The following ZNF728 variants were observed in gnomAD, a reference collection of about 807,000 sequenced individuals.
ZNF728 encodes zinc finger protein 728.
Under a neutral mutation model 12.5 loss-of-function variants are expected in ZNF728, and 12 were observed. That is an observed-to-expected ratio of 0.96 (90% CI 0.61 to 1.55). The LOEUF is 1.55. Ranked by LOEUF, ZNF728 falls within the 40% of genes most tolerant of loss-of-function variation. The pLI is 0.00. For synonymous variants in ZNF728, 205 were observed against 240.7 expected (o/e 0.85, Z 1.37); for missense variants, 692 against 719.2 (o/e 0.96, Z 0.43).
Position 22,976,664 on chromosome 19 carries a change from C to A in ZNF728, c.673G>T (p.Glu225Ter). Residue 225 changes from glutamate to a stop codon, truncating the protein, a stop_gained, in exon 4 of 4, where the codon GAG (glutamate) becomes TAG (stop). Transcript: ENST00000594710. LOFTEE classifies it low-confidence loss of function (END_TRUNC). ...ALTYKRIHTG[E>*]KPCKCEECGK... is the part of the protein sequence containing the mutation. ...CATTCTTCACATTTGCAGGGTTTCTCTCCAGTATGAATTCTCTTATAAGTA... is the reference window on the plus strand; with the variant it reads ...CATTCTTCACATTTGCAGGGTTTCTATCCAGTATGAATTCTCTTATAAGTA... 1 of 1,613,166 alleles carries A rather than the reference C, an allele frequency of 6.2e-7. No individual in the cohort carries two copies. Among genetic ancestry groups the A allele is most frequent in the Non-Finnish European group, 8.5e-7 (1 of 1,179,822 alleles).
intron 1 of ZNF728, 27 bp from the exon 2 acceptor site, chr19:22,988,478 T>G: frequency 6.2e-7 from 1 of 1,611,224 alleles, no homozygotes; most frequent in South Asian, 1.1e-5. Flanking sequence ...AACACACATA[T>G]TTACCAAGTG....
intron 3 of ZNF728, among the ~76,000 whole-genome samples, chr19:22,978,942 T>C (rs1165774384): frequency 3.3e-5 from 5 of 152,164 alleles, no homozygotes; most frequent in Admixed American, 1.3e-4. Context: ...AAAACCAGAA[T>C]GCCTTTTCTC....
At chr19:22,979,440 T>C (rs1316025548) in intron 3 of ZNF728, among the ~76,000 whole-genome samples, 2 of 152,148 alleles carry the variant, frequency 1.3e-5, no homozygotes, top group African/African-American at 2.4e-5. Context: ...GAAAACACTC[T>C]TCAGGATATC....
At chr19:22,989,335 A>G (rs1968958317) in intron 1 of ZNF728, among the ~76,000 whole-genome samples, 1 of 152,162 alleles carries the variant, frequency 6.6e-6, no homozygotes, top group Non-Finnish European at 1.5e-5. Context: ...CAGTAATTGA[A>G]TGAGCCTGTG....
chr19:22,979,810 C>T (rs1279501385), intron 3 of ZNF728, among the ~76,000 whole-genome samples: 3 of 151,968 alleles, frequency 2.0e-5, no homozygotes, highest in Non-Finnish European at 4.4e-5. Context: ...CAAGCAAATG[C>T]TGAGATTTTG....
intron 2 of ZNF728, 35 bp downstream of exon 2, chr19:22,988,290 G>A (rs1968940706): frequency 4.3e-6 from 7 of 1,613,702 alleles, no homozygotes; most frequent in African/African-American, 4.0e-5. Context: ...AACCTATAGT[G>A]TATACTAGGA....
intron 1 of ZNF728, among the ~76,000 whole-genome samples, chr19:22,990,287 TCTC>T (rs1201696488): frequency 1.3e-5 from 2 of 152,246 alleles, no homozygotes; most frequent in East Asian, 1.9e-4. Flanking sequence ...TTTTTCTCTT[TCTC>T]CTCCTTTTCT....
At chr19:23,001,881 G>A (rs1163848278) in intron 1 of ZNF728, among the ~76,000 whole-genome samples, 4 of 152,176 alleles carry the variant, frequency 2.6e-5, no homozygotes, top group African/African-American at 9.7e-5. Flanking sequence ...GGAGAAATAG[G>A]GGATGGGGGA....
At chr19:22,980,550 C>T (rs1254163859) in intron 3 of ZNF728, among the ~76,000 whole-genome samples, 2 of 152,174 alleles carry the variant, frequency 1.3e-5, no homozygotes, top group Admixed American at 6.5e-5. Flanking sequence ...ATCTACAGAA[C>T]TCTTTACCCC....
chr19:22,977,091 A>T lies in ZNF728; in HGVS notation c.246T>A (p.Ala82=). Residue 82 remains alanine (A), a synonymous_variant, in exon 4 of 4, where the codon GCT becomes GCA. Transcript: ENST00000594710. ...TGCCCTGCTCTGGCCAAAGGTCTTGAGCAAAATGAGAACATATAACTGAAA... is the reference window on the plus strand; with the variant it reads ...TGCCCTGCTCTGGCCAAAGGTCTTGTGCAAAATGAGAACATATAACTGAAA... ...KEPPVICSHF[A]QDLWPEQGRE... is the part of the protein sequence containing the mutation. 1 of 1,580,128 alleles carries T rather than the reference A, an allele frequency of 6.3e-7. No individual in the cohort carries two copies. The highest frequency in any genetic ancestry group is 1.2e-5 in the South Asian group (1 of 85,338).
At chr19:22,983,509 T>C (rs1968882175) in intron 3 of ZNF728, among the ~76,000 whole-genome samples, 1 of 152,334 alleles carries the variant, frequency 6.6e-6, no homozygotes, top group African/African-American at 2.4e-5. Flanking sequence ...TTGCTGGGTA[T>C]ATACGCTCAA....
intron 1 of ZNF728, among the ~76,000 whole-genome samples, chr19:22,990,347 C>T (rs1438454446): frequency 1.3e-5 from 2 of 152,068 alleles, no homozygotes; most frequent in Non-Finnish European, 2.9e-5. Flanking sequence ...ACACCTGCAT[C>T]TTGAGAAGAT....
chr19:22,990,885 G>A (rs1407601185), intron 1 of ZNF728, among the ~76,000 whole-genome samples: 6 of 152,062 alleles, frequency 3.9e-5, no homozygotes, highest in African/African-American at 9.7e-5. Flanking sequence ...AAGCTCTAAC[G>A]AGCTTATAAA....
intron 1 of ZNF728, among the ~76,000 whole-genome samples, chr19:22,992,444 T>G (rs1437687427): frequency 6.6e-6 from 1 of 152,126 alleles, no homozygotes; most frequent in East Asian, 1.9e-4. Context: ...GATTTCACTA[T>G]GTTGGCCAGG....
chr19:22,983,149 TAAAC>T (rs1466047874), intron 3 of ZNF728, among the ~76,000 whole-genome samples: 1 of 150,798 alleles, frequency 6.6e-6, no homozygotes, highest in Non-Finnish European at 1.5e-5. Context: ...ATAAAGAACT[TAAAC>T]AAATTTACAA....
chr19:22,989,628 TGA>T (rs1318892091), intron 1 of ZNF728, among the ~76,000 whole-genome samples: 1 of 152,216 alleles, frequency 6.6e-6, no homozygotes, highest in Non-Finnish European at 1.5e-5. Flanking sequence ...GCATTACTAC[TGA>T]GATATTACCC....
chr19:22,987,222 C>T, intron 3 of ZNF728, 86 bp downstream of exon 3: 2 of 1,218,862 alleles, frequency 1.6e-6, no homozygotes, highest in Non-Finnish European at 2.2e-6. Flanking sequence ...TCTTTTGGAA[C>T]ACAGCTTCCC....
chr19:22,978,364 T>C (rs550845167), intron 3 of ZNF728, among the ~76,000 whole-genome samples: 9 of 150,410 alleles, frequency 6.0e-5, no homozygotes, highest in East Asian at 3.9e-4. Context: ...TCTGTCCTAA[T>C]AGAAAAAAAA....
intron 2 of ZNF728, 115 bp from the exon 3 acceptor site, chr19:22,987,518 T>C: frequency 1.0e-6 from 1 of 999,266 alleles, no homozygotes; most frequent in Non-Finnish European, 1.3e-6. Flanking sequence ...TATCCCAAAA[T>C]ACTAAATTAC....
Sources: gnomAD v4.1 joint callset for allele counts (sites outside exome capture counted in the v4.1 genomes callset) on GRCh38, gnomAD v4.1.1 for gene constraint, MANE v1.5 for transcripts, NCBI Gene and HGNC (gene_info 2026-07-23, HGNC 2026-07-21) for gene names.